GRIK2: variants seen among roughly 807,000 people sequenced by gnomAD.
GRIK2 encodes glutamate receptor ionotropic, kainate 2.
Under a neutral mutation model 100.3 loss-of-function variants are expected in GRIK2, and 32 were observed. The observed-to-expected ratio is 0.32, with a 90% CI of 0.24 to 0.43. The LOEUF is 0.43. GRIK2 is among the 20% of genes least tolerant of loss of function. The probability of loss-of-function intolerance (pLI) is 1.00; values close to 1 mark genes in which losing one functional copy is unlikely to be tolerated. For synonymous variants in GRIK2, 417 were observed against 389.4 expected (o/e 1.07, Z -0.83); for missense variants, 843 against 1,114.9 (o/e 0.76, Z 3.47).
intron 3 of GRIK2, among the ~76,000 whole-genome samples, chr6:101,622,987 A>C (rs1347781524): frequency 1.3e-5 from 2 of 152,044 alleles, no homozygotes; most frequent in African/African-American, 2.4e-5. Flanking sequence ...GTTAGCATTT[A>C]TATAATAGGA....
At chr6:101,470,192 C>T (rs1008810289) in intron 2 of GRIK2, among the ~76,000 whole-genome samples, 3 of 152,092 alleles carry the variant, frequency 2.0e-5, no homozygotes, top group South Asian at 2.1e-4. Flanking sequence ...GTGGCTTCAC[C>T]GGAACTGAAG....
intron 11 of GRIK2, among the ~76,000 whole-genome samples, chr6:101,861,845 C>T (rs1306270556): frequency 6.6e-6 from 1 of 152,046 alleles, no homozygotes; most frequent in Non-Finnish European, 1.5e-5. Flanking sequence ...AGAGAAAATA[C>T]ATACAAATTT....
chr6:101,966,449 A>G (rs898633566), intron 14 of GRIK2, among the ~76,000 whole-genome samples: 1 of 152,164 alleles, frequency 6.6e-6, no homozygotes, highest in African/African-American at 2.4e-5. Context: ...AGAGTTTGAC[A>G]AGGCTGGAGT....
rs185085326 is a variant in GRIK2, at chr6:101,874,529, A to C, written c.1524+15036A>C. Among the ~76,000 whole-genome samples the C allele has an allele frequency of 2.0e-4, 30 of 152,062 alleles. 1 individual carries two copies. Among genetic ancestry groups the C allele is most frequent in the African/African-American group, 7.2e-4 (30 of 41,504 alleles). On this transcript the variant is annotated intron_variant, in intron 11 of 16. Coordinates refer to ENST00000369134, the MANE Select transcript of GRIK2 (RefSeq NM_021956.5). Reference sequence around the variant, plus strand: ...GTAATATAGTTTGAAGTCAGGTAGCATGATGCCTCCAGCTTTGTTCTTTTG... The same window carrying C: ...GTAATATAGTTTGAAGTCAGGTAGCCTGATGCCTCCAGCTTTGTTCTTTTG...
intron 2 of GRIK2, among the ~76,000 whole-genome samples, chr6:101,601,386 G>A (rs1438275157): frequency 6.6e-6 from 1 of 151,744 alleles, no homozygotes; most frequent in Non-Finnish European, 1.5e-5. Context: ...ATATTAGGCT[G>A]TAGTTTTGCT....
intron 15 of GRIK2, among the ~76,000 whole-genome samples, chr6:102,043,682 A>G (rs534562484): frequency 7.0e-6 from 1 of 143,830 alleles, no homozygotes; most frequent in Non-Finnish European, 1.6e-5. Flanking sequence ...GGTTGATCCT[A>G]TAACTTGGCT....
At chr6:101,925,748 C>T (rs1226796919) in intron 13 of GRIK2, among the ~76,000 whole-genome samples, 1 of 151,696 alleles carries the variant, frequency 6.6e-6, no homozygotes, top group Non-Finnish European at 1.5e-5. Context: ...TGAAGAAATT[C>T]ATTTAGTGAT....
At chr6:101,527,209 TGTTTA>T (rs1775198704) in intron 2 of GRIK2, among the ~76,000 whole-genome samples, 2 of 152,212 alleles carry the variant, frequency 1.3e-5, no homozygotes, top group Admixed American at 6.5e-5. Flanking sequence ...ATCAGTCACA[TGTTTA>T]AACACAGTAC....
chr6:101,996,394 C>A (rs1427642674), intron 14 of GRIK2, among the ~76,000 whole-genome samples: 1 of 151,940 alleles, frequency 6.6e-6, no homozygotes, highest in Non-Finnish European at 1.5e-5. Context: ...AATTATGCTT[C>A]TTTCTTTCCT....
At chr6:102,009,020 G>A (rs1422836429) in intron 14 of GRIK2, among the ~76,000 whole-genome samples, 2 of 151,916 alleles carry the variant, frequency 1.3e-5, no homozygotes, top group Admixed American at 6.6e-5. Flanking sequence ...ACATCAAAAA[G>A]TATTATTGGT....
intron 2 of GRIK2, among the ~76,000 whole-genome samples, chr6:101,481,874 T>C (rs1772550211): frequency 6.6e-6 from 1 of 152,264 alleles, no homozygotes; most frequent in East Asian, 1.9e-4. Context: ...CATGCTATTC[T>C]GATGATAGTG....
chr6:101,785,069 T>C (rs903485086), intron 7 of GRIK2, among the ~76,000 whole-genome samples: 3 of 152,290 alleles, frequency 2.0e-5, no homozygotes, highest in Non-Finnish European at 2.9e-5. Context: ...GAGTGTTTTT[T>C]ATATATCTGT....
chr6:101,481,693 T>C (rs549437605), intron 2 of GRIK2, among the ~76,000 whole-genome samples: 3 of 152,248 alleles, frequency 2.0e-5, no homozygotes, highest in Admixed American at 2.0e-4. Context: ...CTAAGAAGTA[T>C]TTTAAATATA....
intron 7 of GRIK2, among the ~76,000 whole-genome samples, chr6:101,780,240 C>T (rs1037410821): frequency 3.3e-5 from 5 of 152,142 alleles, no homozygotes; most frequent in African/African-American, 1.2e-4. Flanking sequence ...ATTCGTAAGA[C>T]ACCCCCTAAA....
Position 101,989,497 on chromosome 6 carries a change from C to CT in GRIK2, c.2086-45839dup, listed in dbSNP as rs1338189896. On this transcript the variant is annotated intron_variant, in intron 14 of 16. Transcript: ENST00000369134. ...CTTAGGACATTTTTACTTGATATCA[C>CT]TTTTTAAGGTGAATTCATTTGTAGG... Among the ~76,000 whole-genome samples, 3 of 151,634 alleles carry CT rather than the reference C, an allele frequency of 2.0e-5. No homozygotes were observed. The East Asian group carries it at 5.9e-4, about 30-fold the overall frequency.
intron 7 of GRIK2, among the ~76,000 whole-genome samples, chr6:101,702,809 A>G (rs1562321411): frequency 1.3e-5 from 2 of 151,928 alleles, no homozygotes; most frequent in Admixed American, 6.6e-5. Context: ...AATATTGATC[A>G]GAAAAGCATC....
At chr6:101,955,616 C>CTCTCTCT (rs1554292263) in intron 14 of GRIK2, among the ~76,000 whole-genome samples, 44 of 135,482 alleles carry the variant, frequency 3.2e-4, no homozygotes, top group Non-Finnish European at 4.8e-4. Flanking sequence ...CTCTCTCTCT[C>CTCTCTCT]CCCCCCATTT....
intron 14 of GRIK2, among the ~76,000 whole-genome samples, chr6:102,022,837 A>T (rs1477757337): frequency 6.6e-6 from 1 of 151,552 alleles, no homozygotes; most frequent in Non-Finnish European, 1.5e-5. Flanking sequence ...ATCAGTTATT[A>T]TTTTCTTTTT....
chr6:101,891,970 C>A (rs549462441), intron 12 of GRIK2, among the ~76,000 whole-genome samples: 1 of 152,194 alleles, frequency 6.6e-6, no homozygotes, highest in South Asian at 2.1e-4. Flanking sequence ...CAATTCAGTG[C>A]CTAGAAAACT....
Sources: allele counts gnomAD v4.1 joint callset (sites outside exome capture counted in the v4.1 genomes callset), GRCh38; gene constraint gnomAD v4.1.1; transcripts MANE v1.5; gene names NCBI Gene and HGNC (gene_info 2026-07-23, HGNC 2026-07-21).